TEX9: variants seen among roughly 807,000 people sequenced by gnomAD.
TEX9 encodes testis expressed 9.
Under a neutral mutation model 59.6 loss-of-function variants are expected in TEX9, and 74 were observed. The observed-to-expected ratio is 1.24, with a 90% CI of 1.03 to 1.51. The LOEUF is 1.51. Among genes scored for constraint, TEX9 ranks in the 40% most tolerant of loss-of-function variants. TEX9 has a pLI of 0.00. For synonymous variants in TEX9, 186 were observed against 152.2 expected (o/e 1.22, Z -1.64); for missense variants, 522 against 447.8 (o/e 1.17, Z -1.49).
chr15:56,423,168 A>G (rs2050065267), intron 10 of TEX9, among the ~76,000 whole-genome samples: 2 of 152,142 alleles, frequency 1.3e-5, no homozygotes, highest in Non-Finnish European at 2.9e-5. Flanking sequence ...TTGATGTGTA[A>G]AGTCAGGTTG....
chr15:56,416,760 G>T (rs1292548427), intron 10 of TEX9, among the ~76,000 whole-genome samples: 3 of 151,752 alleles, frequency 2.0e-5, no homozygotes, highest in African/African-American at 7.3e-5. Context: ...TCAGTTTTTT[G>T]GAATAGTTTC....
chr15:56,310,356 C>T (rs146159307), intron 1 of TEX9, among the ~76,000 whole-genome samples: 4 of 152,224 alleles, frequency 2.6e-5, no homozygotes, highest in African/African-American at 4.8e-5. Flanking sequence ...CACTTGAACC[C>T]GGGAGGTGGA....
chr15:56,247,983 C>T (rs1324543078), intron 1 of TEX9, among the ~76,000 whole-genome samples: 5 of 152,202 alleles, frequency 3.3e-5, no homozygotes, highest in Admixed American at 1.3e-4. Flanking sequence ...AGGCTTTTCA[C>T]CTCTCCCAAT....
chr15:56,456,147 A>G, the TEX9 span, among the ~76,000 whole-genome samples: 1 of 152,134 alleles, frequency 6.6e-6, no homozygotes, highest in African/African-American at 2.4e-5. Flanking sequence ...TCATTTTAAA[A>G]TTTATGTGTA....
chr15:56,271,686 G>C (rs1384409525), intron 1 of TEX9, among the ~76,000 whole-genome samples: 2 of 152,140 alleles, frequency 1.3e-5, no homozygotes, highest in Non-Finnish European at 2.9e-5. Flanking sequence ...CTTATGATTA[G>C]TGTTTGTATG....
Position 56,349,734 on chromosome 15 carries a change from C to T in TEX9, c.-106-23707C>T, listed in dbSNP as rs534781307. 5.4e-5 allele frequency among the ~76,000 whole-genome samples: 8 copies of T among 149,220 alleles called. No individual in the cohort carries two copies. The South Asian group carries it at 6.3e-4, about 12-fold the overall frequency. ...ATATGTATATAAGCACATATACACA[C>T]GTGTATATATGTGTGTGTATATATA... On this transcript the variant is annotated intron_variant, in intron 1 of 5. Coordinates refer to the TEX9 transcript ENST00000560827.
At chr15:56,397,015 G>A (rs3858883) in intron 9 of TEX9, 6,722 of 152,556 alleles carry the variant, frequency 0.044, 224 homozygotes, top group Admixed American at 0.087. Context: ...TTGGAACTGG[G>A]TAAGAGGCAG....
intron 1 of TEX9, among the ~76,000 whole-genome samples, chr15:56,337,091 GTTAGTCT>G (rs1357024735): frequency 6.6e-6 from 1 of 152,158 alleles, no homozygotes; most frequent in African/African-American, 2.4e-5. Context: ...CTGGATTCTA[GTTAGTCT>G]TTTTTTCCTG....
chr15:56,264,115 C>T (rs186335419), intron 1 of TEX9, among the ~76,000 whole-genome samples: 2 of 152,280 alleles, frequency 1.3e-5, no homozygotes, highest in Non-Finnish European at 2.9e-5. Context: ...AGTTGAGTTG[C>T]TGTGCCATGT....
intron 10 of TEX9, among the ~76,000 whole-genome samples, chr15:56,422,631 C>T (rs1334356901): frequency 3.3e-5 from 5 of 151,824 alleles, no homozygotes; most frequent in Non-Finnish European, 7.4e-5. Flanking sequence ...ATAAACTCTA[C>T]ATTGTTAATT....
rs1301652804 is a variant in TEX9 at position 56,370,199 on chromosome 15, A to G, written c.120-3242A>G. ...CTGCTGGATTGAATGGGTTTTCATT[A>G]TGTCTTTATTTTTAGTGATGTGGAA... On this transcript the variant is annotated intron_variant, in intron 2 of 12. Coordinates refer to ENST00000352903, the Ensembl canonical transcript of TEX9. Among the ~76,000 whole-genome samples, 19 of 152,186 alleles carry G rather than the reference A, an allele frequency of 1.2e-4. 1 individual carries two copies.
chr15:56,365,326 G>A (rs568644695), upstream of TEX9: 12 of 1,309,774 alleles, frequency 9.2e-6, no homozygotes, highest in East Asian at 1.5e-4. Context: ...AGAGGCTCGC[G>A]CCGCTCGCAG....
intron 1 of TEX9, among the ~76,000 whole-genome samples, chr15:56,321,248 C>T (rs2045894917): frequency 6.6e-6 from 1 of 152,020 alleles, no homozygotes; most frequent in Non-Finnish European, 1.5e-5. Flanking sequence ...CCCCCTTGTC[C>T]CAGGGCATAC....
intron 4 of TEX9, among the ~76,000 whole-genome samples, chr15:56,386,794 C>T (rs987374844): frequency 5.3e-5 from 8 of 151,678 alleles, no homozygotes; most frequent in African/African-American, 7.3e-5. Context: ...GTGATGATGA[C>T]GCTCTGTTTA....
intron 1 of TEX9, among the ~76,000 whole-genome samples, chr15:56,287,276 C>G (rs1242233170): frequency 7.9e-5 from 12 of 152,078 alleles, no homozygotes; most frequent in Non-Finnish European, 1.5e-4. Context: ...TTTATGGGAT[C>G]TGAGATTTAA....
intron 12 of TEX9, chr15:56,428,645 A>G (rs1021899813): frequency 2.5e-5 from 11 of 447,510 alleles, no homozygotes; most frequent in Admixed American, 7.6e-5. Flanking sequence ...TAGCGTGACA[A>G]TTAAGCACAT....
chr15:56,267,721 T>G lies in TEX9; in HGVS notation c.-107+23443T>G, dbSNP rs985667689. 3.3e-5 allele frequency among the ~76,000 whole-genome samples: 5 copies of G among 152,110 alleles called. No individual in the cohort carries two copies. In the East Asian group the frequency reaches 5.8e-4, roughly 18 times the overall value. ...TTGGTACCAGTACCATGCTGTTTTG[T>G]TTACTGTAGGGTTGTAGTATAGTTT... On this transcript the variant is annotated intron_variant, in intron 1 of 5. Coordinates refer to the TEX9 transcript ENST00000560827.
intron 10 of TEX9, among the ~76,000 whole-genome samples, chr15:56,426,624 T>C (rs5005390): frequency 0.2 from 8,315 of 41,562 alleles, 1,527 homozygotes; most frequent in African/African-American, 0.38. Context: ...TATATATATA[T>C]ATACACACAC....
intron 1 of TEX9, among the ~76,000 whole-genome samples, chr15:56,273,913 T>A (rs958721846): frequency 2.6e-5 from 4 of 152,196 alleles, no homozygotes; most frequent in Non-Finnish European, 5.9e-5. Context: ...CAGGTGGTTT[T>A]ATTTTTGTTG....
Sources: allele counts gnomAD v4.1 joint callset (sites outside exome capture counted in the v4.1 genomes callset), GRCh38; gene constraint gnomAD v4.1.1; transcripts MANE v1.5; gene names NCBI Gene and HGNC (gene_info 2026-07-23, HGNC 2026-07-21).